SLC35F3: variants seen among roughly 807,000 people sequenced by gnomAD.
The protein encoded by SLC35F3 is solute carrier family 35 member F3, also known as putative thiamine transporter SLC35F3.
In SLC35F3, 25 loss-of-function variants were observed where a neutral mutation model predicts 49.9. The ratio of observed to expected loss-of-function variants is 0.50; its 90% CI spans 0.37 to 0.70. The LOEUF is 0.70. Among genes scored for constraint, SLC35F3 ranks in the 30% least tolerant of loss-of-function variants. The pLI, the probability that SLC35F3 is intolerant of heterozygous loss-of-function variation, is 0.00. For synonymous variants in SLC35F3, 275 were observed against 265.4 expected (o/e 1.04, Z -0.35); for missense variants, 525 against 639.8 (o/e 0.82, Z 1.94).
intron 3 of SLC35F3, among the ~76,000 whole-genome samples, chr1:234,285,949 T>G (rs1236306875): frequency 6.6e-6 from 1 of 152,178 alleles, no homozygotes; most frequent in African/African-American, 2.4e-5. Flanking sequence ...AAAGGGAAAT[T>G]TCTCGGGACT....
intron 2 of SLC35F3, among the ~76,000 whole-genome samples, chr1:233,918,782 C>CTCTCTCTCTCTT (rs1387581775): frequency 7.7e-5 from 5 of 64,876 alleles, no homozygotes; most frequent in Admixed American, 3.1e-4. Context: ...CTCTCTTTCT[C>CTCTCTCTCTCTT]TCTCTCTCTC....
At chr1:234,222,106 A>G (rs11807007) in intron 2 of SLC35F3, among the ~76,000 whole-genome samples, 3,921 of 152,342 alleles carry the variant, frequency 0.026, 76 homozygotes, top group Non-Finnish European at 0.04. Flanking sequence ...GACTAGCTAC[A>G]TGAGTACAAC....
At chr1:234,130,145 T>A (rs1665712846) in intron 2 of SLC35F3, among the ~76,000 whole-genome samples, 1 of 152,204 alleles carries the variant, frequency 6.6e-6, no homozygotes, top group African/African-American at 2.4e-5. Flanking sequence ...GAACACATAA[T>A]TAATTCCTTC....
intron 2 of SLC35F3, among the ~76,000 whole-genome samples, chr1:233,951,270 C>G (rs574851653): frequency 6.6e-6 from 1 of 152,002 alleles, no homozygotes; most frequent in South Asian, 2.1e-4. Flanking sequence ...GACATCATAA[C>G]TGTTGTAGCA....
rs1351085704 is a variant in SLC35F3 at position 234,068,824 on chromosome 1, TA to T, written c.284-162592del. 9.5e-3 allele frequency among the ~76,000 whole-genome samples: 28 copies of T among 2,962 alleles called. 3 individuals are homozygous for T. The highest frequency in any genetic ancestry group is 0.029 in the African/African-American group (21 of 714). The allele number at this position is 2,962 out of a possible 152,430, so 1.9% of individuals were successfully genotyped here. A position where few individuals can be genotyped will look rare whatever the true frequency, so the allele number is the denominator to read the frequency against. On this transcript the variant is annotated intron_variant, in intron 2 of 7. Transcript: ENST00000366618. ...AGTGACAGGATAAGATTTGAGACAT[TA>T]TATATATATATATATATATATATAT... is the stretch of plus-strand genomic sequence containing the variant.
intron 3 of SLC35F3, among the ~76,000 whole-genome samples, chr1:234,308,149 G>C (rs981982305): frequency 5.3e-5 from 8 of 152,144 alleles, no homozygotes; most frequent in African/African-American, 1.4e-4. Context: ...GTGTCTTAGA[G>C]AAGTGGGGCT....
chr1:234,190,219 C>G (rs930675085), intron 2 of SLC35F3, among the ~76,000 whole-genome samples: 3 of 152,136 alleles, frequency 2.0e-5, no homozygotes, highest in African/African-American at 7.2e-5. Flanking sequence ...CCTCACATCT[C>G]AATACTAACA....
At chr1:234,048,162 C>G (rs1270768833) in intron 2 of SLC35F3, among the ~76,000 whole-genome samples, 2 of 152,070 alleles carry the variant, frequency 1.3e-5, no homozygotes, top group Admixed American at 1.3e-4. Context: ...GTTGAAAGAG[C>G]AGCTTAGTTT....
chr1:234,252,061 G>A (rs1667746318), intron 3 of SLC35F3, among the ~76,000 whole-genome samples: 1 of 151,560 alleles, frequency 6.6e-6, no homozygotes, highest in Non-Finnish European at 1.5e-5. Flanking sequence ...AGAAAAGATT[G>A]ATTGTAAATT....
intron 2 of SLC35F3, among the ~76,000 whole-genome samples, chr1:234,053,714 T>G (rs1024630654): frequency 1.3e-5 from 2 of 152,244 alleles, no homozygotes; most frequent in African/African-American, 2.4e-5. Flanking sequence ...TGCTCATTCG[T>G]TGATGCAGTT....
chr1:234,060,537 C>T (rs1467414284), intron 2 of SLC35F3, among the ~76,000 whole-genome samples: 1 of 152,202 alleles, frequency 6.6e-6, no homozygotes, highest in Non-Finnish European at 1.5e-5. Flanking sequence ...ACTTCCACCT[C>T]CCAGGCTCAA....
In SLC35F3 at chr1:234,297,937, T is replaced by C. The variant is rs890460076; in HGVS notation, c.609-11164T>C. Among the ~76,000 whole-genome samples the C allele has an allele frequency of 7.2e-5, 11 of 152,228 alleles. 1 individual carries two copies. The highest frequency in any genetic ancestry group is 6.5e-4 in the Admixed American group (10 of 15,294). The stretch of plus-strand genomic sequence containing the variant: ...ACTCATACTGTGGCATATACTTAAA[T>C]ACGTGCTAACAGGGTAAATCTTATG... On this transcript the variant is annotated intron_variant, in intron 3 of 7. Coordinates refer to ENST00000366618, the MANE Select transcript of SLC35F3 (RefSeq NM_173508.4).
intron 2 of SLC35F3, among the ~76,000 whole-genome samples, chr1:234,162,033 C>A (rs1456840435): frequency 6.6e-6 from 1 of 152,098 alleles, no homozygotes; most frequent in Non-Finnish European, 1.5e-5. Flanking sequence ...GTCTAATCGA[C>A]CTGTGCTGTC....
At chr1:234,139,267 C>T (rs1665855087) in intron 2 of SLC35F3, among the ~76,000 whole-genome samples, 1 of 152,170 alleles carries the variant, frequency 6.6e-6, no homozygotes, top group Admixed American at 6.5e-5. Context: ...TTGTTCCTTT[C>T]TTGAGACATT....
At chr1:234,147,230 CTTTTTTTT>C (rs201359916) in intron 2 of SLC35F3, among the ~76,000 whole-genome samples, 30 of 125,102 alleles carry the variant, frequency 2.4e-4, no homozygotes, top group Admixed American at 1.5e-3. Flanking sequence ...TTTCTATTTT[CTTTTTTTT>C]TTTTTTTTGT....
At chr1:233,972,973 C>A (rs932412855) in intron 2 of SLC35F3, among the ~76,000 whole-genome samples, 48 of 152,220 alleles carry the variant, frequency 3.2e-4, no homozygotes, top group Admixed American at 2.0e-3. Context: ...ATATTGGTCC[C>A]CACTGTGACT....
intron 2 of SLC35F3, among the ~76,000 whole-genome samples, chr1:234,194,751 A>T (rs754628163): frequency 3.1e-4 from 47 of 152,120 alleles, no homozygotes; most frequent in Non-Finnish European, 6.0e-4. Flanking sequence ...TTCTACAGTG[A>T]TATTGGAGGA....
Position 234,013,981 on chromosome 1 carries a change from A to T in SLC35F3, c.283+108223A>T, listed in dbSNP as rs1235787664. ...AAGCCATACATCTGATAAGAGGTGA[A>T]CTCATTTTTTAAGGCCAGCCTTACC... is the stretch of plus-strand genomic sequence containing the variant. On this transcript the variant is annotated intron_variant, in intron 2 of 7. Transcript: ENST00000366618. Among the ~76,000 whole-genome samples, 11 of 152,192 alleles carry T rather than the reference A, an allele frequency of 7.2e-5. No individual in the cohort carries two copies. In the East Asian group the frequency reaches 2.1e-3, roughly 29 times the overall value.
intron 3 of SLC35F3, among the ~76,000 whole-genome samples, chr1:234,280,808 CAGAG>C (rs965788580): frequency 6.6e-6 from 1 of 152,208 alleles, no homozygotes; most frequent in Non-Finnish European, 1.5e-5. Context: ...AACTGAGGCT[CAGAG>C]AGATTGAACA....
Sources: allele counts gnomAD v4.1 joint callset (sites outside exome capture counted in the v4.1 genomes callset), GRCh38; gene constraint gnomAD v4.1.1; transcripts MANE v1.5; gene names NCBI Gene and HGNC (gene_info 2026-07-23, HGNC 2026-07-21).